MECOM: variants seen among roughly 807,000 people sequenced by gnomAD.
MECOM encodes histone-lysine N-methyltransferase MECOM.
A neutral mutation model predicts 116.3 loss-of-function variants in MECOM; 13 were observed. The observed-to-expected ratio is 0.11, with a 90% CI of 0.07 to 0.18. The LOEUF is 0.18. Ranked by LOEUF, MECOM falls within the 10% of genes least tolerant of loss-of-function variation. MECOM has a pLI of 1.00. For missense variants in MECOM, 1,299 were observed against 1,509.0 expected, an observed-to-expected ratio of 0.86 and a Z score of 2.31; for synonymous variants, 528 against 535.2, an observed-to-expected ratio of 0.99 and a Z score of 0.19.
intron 2 of MECOM, among the ~76,000 whole-genome samples, chr3:169,216,730 G>GA (rs1473524234): frequency 6.6e-6 from 1 of 151,892 alleles, no homozygotes; most frequent in Non-Finnish European, 1.5e-5. Context: ...TGTTAAGTAA[G>GA]AAAAATAGTT....
Position 169,478,465 on chromosome 3 carries a change from T to C in MECOM, c.38-96941A>G, listed in dbSNP as rs1239172431. On this transcript the variant is annotated intron_variant, in intron 1 of 16. Coordinates refer to ENST00000651503, the MANE Select transcript of MECOM (RefSeq NM_004991.4). The stretch of plus-strand genomic sequence containing the variant: ...TTGTGCAGATAAAAATGCCTCAGAG[T>C]GACCTATAGGGACACCTCTGCCTTT... Among the ~76,000 whole-genome samples, 13 of 152,178 alleles carry C rather than the reference T, an allele frequency of 8.5e-5. No homozygotes were observed. In the South Asian group the frequency reaches 1.5e-3, roughly 17 times the overall value.
chr3:169,376,568 T>G (rs967123198), intron 2 of MECOM, among the ~76,000 whole-genome samples: 2 of 152,152 alleles, frequency 1.3e-5, no homozygotes, highest in Non-Finnish European at 2.9e-5. Flanking sequence ...ATGAGTGGAC[T>G]CCCATTTACA....
chr3:169,533,591 T>TTTTTTTTC (rs55667588), intron 1 of MECOM, among the ~76,000 whole-genome samples: 3 of 132,232 alleles, frequency 2.3e-5, no homozygotes, highest in African/African-American at 8.7e-5. Flanking sequence ...TTTTTTTTTT[T>TTTTTTTTC]ATTTCCTTAT....
At chr3:169,111,371 ATAT>A (rs1339978642) in intron 9 of MECOM, among the ~76,000 whole-genome samples, 1 of 152,182 alleles carries the variant, frequency 6.6e-6, no homozygotes, top group Non-Finnish European at 1.5e-5. Flanking sequence ...GTATACATGA[ATAT>A]TATATGTTCA....
At chr3:169,455,183 T>C (rs1487181049) in intron 1 of MECOM, among the ~76,000 whole-genome samples, 3 of 152,168 alleles carry the variant, frequency 2.0e-5, no homozygotes, top group Non-Finnish European at 4.4e-5. Context: ...TCAGAAAAAC[T>C]GAACATCAGA....
chr3:169,355,994 C>A (rs1258861398), intron 2 of MECOM, among the ~76,000 whole-genome samples: 4 of 151,808 alleles, frequency 2.6e-5, no homozygotes, highest in Admixed American at 6.6e-5. Flanking sequence ...AAGCAAAGGT[C>A]TTAGTTTTTA....
intron 11 of MECOM, 22 bp downstream of exon 11, chr3:169,102,038 C>A: frequency 1.9e-6 from 3 of 1,577,698 alleles, no homozygotes; most frequent in Non-Finnish European, 2.6e-6. Flanking sequence ...GGAAAGTCAG[C>A]CATAATTAAC....
intron 2 of MECOM, among the ~76,000 whole-genome samples, chr3:169,307,803 A>G (rs1472288617): frequency 6.6e-6 from 1 of 152,022 alleles, no homozygotes; most frequent in Non-Finnish European, 1.5e-5. Flanking sequence ...CACTGCTCCT[A>G]GTTTCTGATG....
At chr3:169,145,077 T>C (rs1037937932) in intron 2 of MECOM, 2 of 1,516,890 alleles carry the variant, frequency 1.3e-6, no homozygotes, top group Admixed American at 2.5e-5. Flanking sequence ...ATGAGGAAAT[T>C]GAAGGGCAAT....
At chr3:169,319,332 C>T (rs1720396204) in intron 2 of MECOM, among the ~76,000 whole-genome samples, 2 of 151,978 alleles carry the variant, frequency 1.3e-5, no homozygotes, top group South Asian at 4.1e-4. Context: ...GAACAGAAAA[C>T]CAAACACTGC....
intron 2 of MECOM, among the ~76,000 whole-genome samples, chr3:169,226,767 A>G (rs1446269073): frequency 6.6e-6 from 1 of 152,204 alleles, no homozygotes; most frequent in Non-Finnish European, 1.5e-5. Flanking sequence ...GTCTTACATA[A>G]AGTGCTTATC....
intron 2 of MECOM, among the ~76,000 whole-genome samples, chr3:169,229,125 G>A (rs1753083915): frequency 6.6e-6 from 1 of 152,162 alleles, no homozygotes; most frequent in Non-Finnish European, 1.5e-5. Flanking sequence ...TTTACTTACA[G>A]TAAAATCTTC....
chr3:169,586,508 T>A (rs1389578143), intron 1 of MECOM, among the ~76,000 whole-genome samples: 1 of 152,218 alleles, frequency 6.6e-6, no homozygotes, highest in Non-Finnish European at 1.5e-5. Flanking sequence ...GAATAGGTGA[T>A]CACTGATATT....
intron 2 of MECOM, among the ~76,000 whole-genome samples, chr3:169,247,476 G>A (rs1465880998): frequency 6.6e-6 from 1 of 152,096 alleles, no homozygotes; most frequent in African/African-American, 2.4e-5. Context: ...GGCTAATTTT[G>A]TATTTTTAGT....
intron 1 of MECOM, among the ~76,000 whole-genome samples, chr3:169,591,348 G>A (rs189954635): frequency 6.6e-6 from 1 of 152,018 alleles, no homozygotes; most frequent in Admixed American, 6.6e-5. Context: ...TCAAGGAAAT[G>A]TTGGCTTTGT....
At chr3:169,490,922 T>C (rs1294972076) in intron 1 of MECOM, among the ~76,000 whole-genome samples, 1 of 152,158 alleles carries the variant, frequency 6.6e-6, no homozygotes, top group Non-Finnish European at 1.5e-5. Flanking sequence ...CAGGGTCTCC[T>C]TATGTTGCCC....
At chr3:169,560,515 T>C (rs1226555492) in intron 1 of MECOM, among the ~76,000 whole-genome samples, 1 of 152,120 alleles carries the variant, frequency 6.6e-6, no homozygotes, top group Non-Finnish European at 1.5e-5. Flanking sequence ...CTGACTTCTG[T>C]GAACTTAATC....
intron 1 of MECOM, among the ~76,000 whole-genome samples, chr3:169,653,490 A>G (rs1775168428): frequency 6.6e-6 from 1 of 152,354 alleles, no homozygotes; most frequent in Middle Eastern, 3.4e-3. Context: ...ATCATGAAGA[A>G]GCAGGAGTTC....
rs189124420 is a variant in MECOM, at chr3:169,096,395, C to T, written c.2850-1150G>A. 3.1e-3 allele frequency among the ~76,000 whole-genome samples: 470 copies of T among 151,940 alleles called. 5 individuals are homozygous for T. Among genetic ancestry groups the T allele is most frequent in the African/African-American group, 0.011 (453 of 41,440 alleles). On this transcript the variant is annotated intron_variant, in intron 12 of 16. Transcript: ENST00000651503. ...AAGCGATTCTCCTGCCTCAGCCTCC[C>T]GAGTAGCTGGGGTTACAGGCACGTG...
Sources: allele counts gnomAD v4.1 joint callset (sites outside exome capture counted in the v4.1 genomes callset), GRCh38; gene constraint gnomAD v4.1.1; transcripts MANE v1.5; gene names NCBI Gene and HGNC (gene_info 2026-07-23, HGNC 2026-07-21).